DDX39A: variants seen among roughly 807,000 people sequenced by gnomAD.
DDX39A encodes the protein DExD-box helicase 39A.
A neutral mutation model predicts 46.3 loss-of-function variants in DDX39A; 13 were observed. That is an observed-to-expected ratio of 0.28 (90% CI 0.18 to 0.45). The LOEUF (loss-of-function observed/expected upper bound fraction) is 0.45, where lower values mean the gene tolerates loss of function less well. DDX39A is among the 20% of genes least tolerant of loss of function. The probability of loss-of-function intolerance (pLI) is 1.00; values close to 1 mark genes in which losing one functional copy is unlikely to be tolerated. For missense variants in DDX39A, 352 were observed against 581.8 expected (o/e 0.61, Z 4.06); for synonymous variants, 234 against 224.6 (o/e 1.04, Z -0.38).
chr19:14,409,177 C>CG lies in DDX39A; in HGVS notation c.1126dup (p.Arg376ProfsTer17). 6.2e-7 allele frequency: 1 copy of CG among 1,614,158 alleles called. No individual in the cohort carries two copies. Among genetic ancestry groups the CG allele is most frequent in the Non-Finnish European group, 8.5e-7 (1 of 1,180,036 alleles). On this transcript the variant is annotated frameshift_variant, in exon 10 of 11. Transcript: ENST00000242776. LOFTEE classifies it high-confidence loss of function. This position sits in a 1 kb window ranked among gnomAD's most constrained non-coding sequence, Gnocchi z 8.3. ...GCCTTTGGTGCCAAAGCGACCCGCC[C>CG]GGGCCACCTGCAGGCAGACAGGATC...
intron 1 of DDX39A, among the ~76,000 whole-genome samples, chr19:14,414,167 C>A (rs1033112183): frequency 6.6e-6 from 1 of 151,974 alleles, no homozygotes; most frequent in African/African-American, 2.4e-5. Context: ...TTTGGCCTCG[C>A]TGTCACTCAT....
In DDX39A at chr19:14,410,581, C is replaced by T. The variant is rs538539317; in HGVS notation, c.614-247G>A. ...GCGGAGCAGCCGTGCCCGTGCGCCT[C>T]GAGCCACGCTTCAGGGAGGGGAGCC... On this transcript the variant is annotated intron_variant, in intron 5 of 10. Transcript: ENST00000242776. This position sits in a 1 kb window ranked among gnomAD's most constrained non-coding sequence, Gnocchi z 4.3. 21 of 541,972 alleles carry T rather than the reference C, an allele frequency of 3.9e-5. No homozygotes were observed. The highest frequency in any genetic ancestry group is 1.0e-4 in the South Asian group (5 of 49,572). 33.6% of individuals were successfully genotyped at this position (541,972 alleles called of 1,614,324 possible).
In DDX39A at chr19:14,410,395, C is replaced by T; in HGVS notation, c.614-61G>A. 6.9e-7 allele frequency: 1 copy of T among 1,446,268 alleles called. No individual in the cohort carries two copies. Among genetic ancestry groups the T allele is most frequent in the Non-Finnish European group, 9.7e-7 (1 of 1,031,446 alleles). The allele number at this position is 1,446,268 out of a possible 1,614,324, so 89.6% of individuals were successfully genotyped here. A position where few individuals can be genotyped will look rare whatever the true frequency, so the allele number is the denominator to read the frequency against. On this transcript the variant is annotated intron_variant, in intron 5 of 10. Coordinates refer to ENST00000242776, the MANE Select transcript of DDX39A (RefSeq NM_005804.4). The surrounding 1 kb of genome is among the most constrained non-coding windows in gnomAD (Gnocchi z 4.3). ...CGTCTGCCATGCAGGACCCCCACCCCAGACCAGACCCAGACCCCTCCCAAC... is the reference window on the plus strand; with the variant it reads ...CGTCTGCCATGCAGGACCCCCACCCTAGACCAGACCCAGACCCCTCCCAAC...
Position 14,410,692 on chromosome 19 carries a change from T to G in DDX39A, c.613+297A>C. ...TCCCACCGGCCCTGTCGGGGCTCAC[T>G]GAGGGCAGGCGGGGCCTGGAACCAA... On this transcript the variant is annotated intron_variant, in intron 5 of 10. Coordinates refer to ENST00000242776, the MANE Select transcript of DDX39A (RefSeq NM_005804.4). This position sits in a 1 kb window ranked among gnomAD's most constrained non-coding sequence, Gnocchi z 4.3. 1 of 515,890 alleles carries G rather than the reference T, an allele frequency of 1.9e-6. No homozygotes were observed. The highest frequency in any genetic ancestry group is 2.3e-5 in the South Asian group (1 of 44,160). The allele number at this position is 515,890 out of a possible 1,614,324, so 32.0% of individuals were successfully genotyped here. A position where few individuals can be genotyped will look rare whatever the true frequency, so the allele number is the denominator to read the frequency against.
rs201367742 is a variant in DDX39A, at chr19:14,411,548, G to T, written c.387C>A (p.Ser129Arg). 1 of 1,614,104 alleles carries T rather than the reference G, an allele frequency of 6.2e-7. No homozygotes were observed. The highest frequency in any genetic ancestry group is 1.3e-5 in the African/African-American group (1 of 75,020). ...CHTRELAFQI[S>R]KEYERFSKYM... ...ACTTGGAAAAGCGCTCATATTCCTTGCTGATCTGGAAGGCCAGCTCCCTCG... is the reference window on the plus strand; with the variant it reads ...ACTTGGAAAAGCGCTCATATTCCTTTCTGATCTGGAAGGCCAGCTCCCTCG... The change falls in exon 4 of 11, where the codon AGC becomes AGA. Residue 129 changes from serine to arginine, a missense_variant. Coordinates refer to ENST00000242776, the MANE Select transcript of DDX39A (RefSeq NM_005804.4). The surrounding 1 kb of genome is among the most constrained non-coding windows in gnomAD (Gnocchi z 4.1).
rs775931609 is a variant in DDX39A at position 14,412,336 on chromosome 19, AATT to A, written c.336+212_336+214del. 1 of 509,392 alleles carries A rather than the reference AATT, an allele frequency of 2.0e-6. No individual in the cohort carries two copies. The highest frequency in any genetic ancestry group is 3.3e-6 in the Non-Finnish European group (1 of 300,430). 31.6% of individuals were successfully genotyped at this position (509,392 alleles called of 1,614,324 possible). A position where few individuals can be genotyped will look rare whatever the true frequency, so the allele number is the denominator to read the frequency against. On this transcript the variant is annotated intron_variant, in intron 3 of 10. Coordinates refer to ENST00000242776, the MANE Select transcript of DDX39A (RefSeq NM_005804.4). This position sits in a 1 kb window ranked among gnomAD's most constrained non-coding sequence, Gnocchi z 4.4. ...GCAATTTCTAATTTTTGTTATAACT[AATT>A]ATTTTTTGAGATGGAGTCTACCTCT... is the stretch of plus-strand genomic sequence containing the variant.
chr19:14,418,480 C>T, intron 1 of DDX39A, among the ~76,000 whole-genome samples: 1 of 152,020 alleles, frequency 6.6e-6, no homozygotes, highest in East Asian at 1.9e-4. Context: ...TTTTTTGAGG[C>T]AGAATCTCGC....
intron 1 of DDX39A, among the ~76,000 whole-genome samples, chr19:14,417,238 C>T (rs1976845322): frequency 6.6e-6 from 1 of 152,012 alleles, no homozygotes; most frequent in South Asian, 2.1e-4. Context: ...AGAGAAAAGC[C>T]ACAGTCTATT....
Position 14,411,388 on chromosome 19 carries a change from A to G in DDX39A, c.429+118T>C. On this transcript the variant is annotated intron_variant, in intron 4 of 10. Coordinates refer to ENST00000242776, the MANE Select transcript of DDX39A (RefSeq NM_005804.4). The surrounding 1 kb of genome is among the most constrained non-coding windows in gnomAD (Gnocchi z 4.1). ...GCTTTTAAGGAGCAAAAACCACCGC[A>G]AACCTCAAAGGCAGCTGCCCCTGCC... 8.8e-7 allele frequency: 1 copy of G among 1,134,712 alleles called. No homozygotes were observed. The highest frequency in any genetic ancestry group is 1.3e-6 in the Non-Finnish European group (1 of 771,070). The allele number at this position is 1,134,712 out of a possible 1,614,324, so 70.3% of individuals were successfully genotyped here.
Position 14,408,973 on chromosome 19 carries a change from T to G in DDX39A, c.1268-21A>C, listed in dbSNP as rs1976424075. On this transcript the variant is annotated intron_variant, in intron 10 of 10. Coordinates refer to ENST00000242776, the MANE Select transcript of DDX39A (RefSeq NM_005804.4). ...CTCGACTGTAAGACATGAGATGCAG[T>G]GAACTGAAGGGCCGGGGGAGGAACC... 3 of 1,608,886 alleles carry G rather than the reference T, an allele frequency of 1.9e-6. No individual in the cohort carries two copies. In the East Asian group the frequency reaches 6.7e-5, roughly 36 times the overall value.
intron 1 of DDX39A, among the ~76,000 whole-genome samples, chr19:14,418,244 A>G (rs1315290881): frequency 6.6e-6 from 1 of 151,728 alleles, no homozygotes; most frequent in African/African-American, 2.4e-5. Flanking sequence ...AACTGATTAG[A>G]TCAGGAAAGG....
chr19:14,414,329 TTA>T (rs1568329207), intron 1 of DDX39A, among the ~76,000 whole-genome samples: 3,943 of 37,388 alleles, frequency 0.11, 63 homozygotes, highest in Middle Eastern at 0.26. Context: ...ACCTGTTTTA[TTA>T]TTATTATTAT....
chr19:14,413,122 GTCTT>G lies in DDX39A; in HGVS notation c.95_98del (p.Lys32ThrfsTer19). 6.2e-7 allele frequency: 1 copy of G among 1,614,170 alleles called. No homozygotes were observed. Among genetic ancestry groups the G allele is most frequent in the Non-Finnish European group, 8.5e-7 (1 of 1,180,010 alleles). On this transcript the variant is annotated frameshift_variant, in exon 2 of 11. Transcript: ENST00000242776. LOFTEE classifies it high-confidence loss of function. ...GGATGGAAACGTAGGATCCCTTGAT[GTCTT>G]TCTTAGGGGGAGCTGGTGTGCTCTC... is the stretch of plus-strand genomic sequence containing the variant.
chr19:14,410,105 G>A lies in DDX39A; in HGVS notation c.732+111C>T, dbSNP rs938515299. On this transcript the variant is annotated intron_variant, in intron 6 of 10. Transcript: ENST00000242776. This position sits in a 1 kb window ranked among gnomAD's most constrained non-coding sequence, Gnocchi z 4.3. ...CGAGGGGAGGAAAGGAGGCTCCGCC[G>A]GCTCCCAGCATCCCAGCATCCTCCG... 14 of 1,144,552 alleles carry A rather than the reference G, an allele frequency of 1.2e-5. No individual in the cohort carries two copies. Among genetic ancestry groups the A allele is most frequent in the East Asian group, 2.4e-5 (1 of 42,526 alleles). 70.9% of individuals were successfully genotyped at this position (1,144,552 alleles called of 1,614,324 possible). A position where few individuals can be genotyped will look rare whatever the true frequency, so the allele number is the denominator to read the frequency against.
rs927765104 is a variant in DDX39A at position 14,411,957 on chromosome 19, G to A, written c.337-359C>T. Among the ~76,000 whole-genome samples the A allele has an allele frequency of 6.6e-6, 1 of 152,114 alleles. No individual in the cohort carries two copies. Among genetic ancestry groups the A allele is most frequent in the African/African-American group, 2.4e-5 (1 of 41,420 alleles). ...TCGGGCGGCCCCGGTCTTCCCACCC[G>A]TGCCATCAGACACTGGACCACACCA... On this transcript the variant is annotated intron_variant, in intron 3 of 10. Coordinates refer to ENST00000242776, the MANE Select transcript of DDX39A (RefSeq NM_005804.4). The surrounding 1 kb of genome is among the most constrained non-coding windows in gnomAD (Gnocchi z 4.1).
Position 14,410,938 on chromosome 19 carries a change from G to GAAGTGACTAGC in DDX39A, c.613+50_613+51insGCTAGTCACTT. The GAAGTGACTAGC allele has an allele frequency of 6.8e-7, 1 of 1,480,732 alleles. No individual in the cohort carries two copies. The highest frequency in any genetic ancestry group is 9.0e-7 in the Non-Finnish European group (1 of 1,110,508). 91.7% of individuals were successfully genotyped at this position (1,480,732 alleles called of 1,614,324 possible). A position where few individuals can be genotyped will look rare whatever the true frequency, so the allele number is the denominator to read the frequency against. On this transcript the variant is annotated intron_variant, in intron 5 of 10. Transcript: ENST00000242776. This position sits in a 1 kb window ranked among gnomAD's most constrained non-coding sequence, Gnocchi z 4.3. Reference sequence around the variant, plus strand: ...TCAAGAGCCTTCCGCCTGCTATGGGGCCCGCCTAGTCACTGACTCTCAGCT... The same window carrying GAAGTGACTAGC: ...TCAAGAGCCTTCCGCCTGCTATGGGGAAGTGACTAGCCCCGCCTAGTCACTGACTCTCAGCT...
chr19:14,413,935 A>G (rs1976697074), intron 1 of DDX39A: 1 of 152,254 alleles, frequency 6.6e-6, no homozygotes, highest in Non-Finnish European at 1.5e-5. Context: ...CAATAAAAAT[A>G]AAGCTGAGAA....
At chr19:14,413,322 C>G in intron 1 of DDX39A, 98 bp from the exon 2 acceptor site, 1 of 1,104,506 alleles carries the variant, frequency 9.1e-7, no homozygotes, top group Non-Finnish European at 1.3e-6. Context: ...CATGAGTGAG[C>G]CCATCAGCTC....
rs146337569 is a variant in DDX39A at position 14,410,361 on chromosome 19, G to A, written c.614-27C>T. ...TAGGTGGGGAGGGCAAGACATGGGT[G>A]GGCATGAGCGTCTGCCATGCAGGAC... On this transcript the variant is annotated intron_variant, in intron 5 of 10. Transcript: ENST00000242776. The surrounding 1 kb of genome is among the most constrained non-coding windows in gnomAD (Gnocchi z 4.3). 686 of 1,593,412 alleles carry A rather than the reference G, an allele frequency of 4.3e-4. 4 individuals are homozygous for A. The African/African-American group carries it at 8.5e-3, about 20-fold the overall frequency.
Sources: allele counts gnomAD v4.1 joint callset (sites outside exome capture counted in the v4.1 genomes callset), GRCh38; gene constraint gnomAD v4.1.1; non-coding constraint Gnocchi (gnomAD v3.1); transcripts MANE v1.5; gene names NCBI Gene and HGNC (gene_info 2026-07-23, HGNC 2026-07-21).